Variants in IL4I1 observed in about 807,000 individuals in gnomAD.
IL4I1 encodes the protein interleukin 4 induced 1.
A neutral mutation model predicts 29.7 loss-of-function variants in IL4I1; 24 were observed. The ratio of observed to expected loss-of-function variants is 0.81; its 90% confidence interval spans 0.59 to 1.14. The LOEUF is 1.14. Among genes scored for constraint, IL4I1 ranks in the 50% most tolerant of loss-of-function variants. The pLI, the probability that IL4I1 is intolerant of heterozygous loss-of-function variation, is 0.00. For synonymous variants in IL4I1, 371 were observed against 352.5 expected (o/e 1.05, Z -0.59); for missense variants, 686 against 785.6 (o/e 0.87, Z 1.52).
intron 2 of IL4I1, chr19:49,908,344 G>A (rs1210038077): frequency 3.1e-6 from 5 of 1,614,090 alleles, no homozygotes; most frequent in East Asian, 2.2e-5. Flanking sequence ...AGTTCTGGTC[G>A]ATCCACTGCA....
At chr19:49,908,945 GTGGTGCTGCTGCTGC>G in intron 2 of IL4I1, 1 of 1,609,486 alleles carries the variant, frequency 6.2e-7, no homozygotes, top group Non-Finnish European at 8.5e-7. Flanking sequence ...GGCAAAGCCG[GTGGTGCTGCTGCTGC>G]TGGTGGTGGT....
intron 2 of IL4I1, chr19:49,911,305 A>G (rs1357608558): frequency 6.6e-6 from 1 of 152,212 alleles, no homozygotes; most frequent in Non-Finnish European, 1.5e-5. Context: ...AAGATGTGAG[A>G]AAGCCAGGAG....
Position 49,895,959 on chromosome 19 carries a change from G to T in IL4I1, c.108C>A (p.Cys36Ter), listed in dbSNP as rs2075202347. The T allele has an allele frequency of 6.2e-7, 1 of 1,614,102 alleles. No homozygotes were observed. The highest frequency in any genetic ancestry group is 8.5e-7 in the Non-Finnish European group (1 of 1,180,054). The change falls in exon 3 of 8, where the codon TGC (cysteine) becomes TGA (stop). Residue 36 changes from cysteine to a stop codon, truncating the protein, a stop_gained. Transcript: ENST00000391826. LOFTEE classifies it high-confidence loss of function. ...AERSQDPFEK[C>*]MQDPDYEQLL... is the part of the protein sequence containing the mutation. ...GCTGCTCATAGTCAGGATCCTGCAT[G>T]CATTTCTCGAAGGGGTCTTGGCTGC...
intron 4 of IL4I1, 131 bp downstream of exon 4, chr19:49,894,937 G>T: frequency 2.9e-6 from 2 of 695,514 alleles, no homozygotes; most frequent in Non-Finnish European, 2.5e-6. Context: ...CTGAGGTGAG[G>T]ATTAGGCGAA....
intron 2 of IL4I1, among the ~76,000 whole-genome samples, chr19:49,916,794 T>C (rs994447064): frequency 1.1e-4 from 16 of 152,100 alleles, no homozygotes; most frequent in Admixed American, 2.6e-4. Flanking sequence ...TAGCCTGGCA[T>C]GGTGGCGTGT....
chr19:49,905,159 G>C (rs2075305850), intron 2 of IL4I1, among the ~76,000 whole-genome samples: 1 of 152,178 alleles, frequency 6.6e-6, no homozygotes, highest in Non-Finnish European at 1.5e-5. Context: ...ATTAAGCTTT[G>C]CTAATGGTTA....
intron 5 of IL4I1, among the ~76,000 whole-genome samples, chr19:49,892,793 A>G (rs1240305929): frequency 3.3e-5 from 5 of 152,208 alleles, no homozygotes; most frequent in Admixed American, 6.5e-5. Context: ...GTCAAGGCAT[A>G]GAAATGACCT....
chr19:49,903,081 C>T (rs946981945), intron 3 of IL4I1, among the ~76,000 whole-genome samples: 1 of 151,956 alleles, frequency 6.6e-6, no homozygotes, highest in Non-Finnish European at 1.5e-5. Flanking sequence ...CACCACTGCA[C>T]GCCAGCCTGA....
In IL4I1 at chr19:49,921,694, ACCTAGGGAG is replaced by A. The variant is rs1342366230; in HGVS notation, c.-228+5991_-228+5999del. 2.6e-5 allele frequency among the ~76,000 whole-genome samples: 4 copies of A among 152,148 alleles called. No individual in the cohort carries two copies. Among genetic ancestry groups the A allele is most frequent in the African/African-American group, 9.7e-5 (4 of 41,440 alleles). On this transcript the variant is annotated intron_variant, in intron 2 of 9. Transcript: ENST00000341114. The surrounding 1 kb of genome is among the most constrained non-coding windows in gnomAD (Gnocchi z 5.4). ...GTACCCCTCTGCCCATTGAGGGGGC[ACCTAGGGAG>A]CCTAGGGGTCCCGTGAGGCCCTCCC...
At chr19:49,899,498 C>T (rs2075251087), upstream of IL4I1, among the ~76,000 whole-genome samples, 1 of 152,090 alleles carries the variant, frequency 6.6e-6, no homozygotes, top group East Asian at 1.9e-4. Flanking sequence ...AATCCTCCCA[C>T]CTCAGCCTCC....
At chr19:49,892,726 A>G (rs2075155632) in intron 5 of IL4I1, among the ~76,000 whole-genome samples, 1 of 152,186 alleles carries the variant, frequency 6.6e-6, no homozygotes, top group African/African-American at 2.4e-5. Context: ...GAGGGAAGGC[A>G]GTGCCCCTTC....
intron 2 of IL4I1, among the ~76,000 whole-genome samples, chr19:49,905,941 A>G (rs2075316815): frequency 6.6e-6 from 1 of 152,026 alleles, no homozygotes; most frequent in Non-Finnish European, 1.5e-5. Context: ...TGACTTCGGG[A>G]GACTTTTGGA....
intron 2 of IL4I1, chr19:49,907,617 A>G (rs546317922): frequency 2.5e-6 from 1 of 400,152 alleles, no homozygotes; most frequent in East Asian, 7.3e-5. Context: ...GTTCACTGCA[A>G]CACCTCCTGG....
intron 3 of IL4I1, chr19:49,901,944 A>T: frequency 2.8e-6 from 1 of 361,556 alleles, no homozygotes; most frequent in South Asian, 8.6e-5. Context: ...CCCTTGTCTC[A>T]CTCACCCTCC....
chr19:49,914,006 A>G (rs938523183), intron 2 of IL4I1, among the ~76,000 whole-genome samples: 4 of 152,132 alleles, frequency 2.6e-5, no homozygotes, highest in Non-Finnish European at 5.9e-5. Context: ...CAGCATCACA[A>G]TTTGAGCAAA....
At chr19:49,897,296 C>T (rs1011909616), upstream of IL4I1, among the ~76,000 whole-genome samples, 12 of 152,176 alleles carry the variant, frequency 7.9e-5, no homozygotes, top group African/African-American at 2.4e-4. Flanking sequence ...CGTCAGGTGT[C>T]GCCATGTCCT....
chr19:49,920,089 AT>A (rs894001021), intron 2 of IL4I1, among the ~76,000 whole-genome samples: 45 of 146,924 alleles, frequency 3.1e-4, no homozygotes, highest in Middle Eastern at 3.6e-3. Flanking sequence ...ACACCAGCTA[AT>A]TTTTTTTTTT....
rs113192713 is a variant in IL4I1, at chr19:49,913,562, G to A, written c.-227-9241C>T. Among the ~76,000 whole-genome samples the A allele has an allele frequency of 3.8e-3, 573 of 152,342 alleles. 5 individuals carry two copies. The highest frequency in any genetic ancestry group is 0.013 in the African/African-American group (550 of 41,578). On this transcript the variant is annotated intron_variant, in intron 2 of 9. Transcript: ENST00000341114. ...CACTGCTCCGTAAGCGTTACCACAC[G>A]CTGTTGCAGGGAGAACTGAGCACTG...
chr19:49,902,390 C>T (rs1235432175), intron 3 of IL4I1, among the ~76,000 whole-genome samples: 10 of 142,498 alleles, frequency 7.0e-5, no homozygotes, highest in South Asian at 6.6e-4. Context: ...GATGGAGTCT[C>T]GCTCAGTTGC....
Sources: gnomAD v4.1 joint callset for allele counts (sites outside exome capture counted in the v4.1 genomes callset) on GRCh38, gnomAD v4.1.1 for gene constraint, Gnocchi (gnomAD v3.1) non-coding constraint, MANE v1.5 for transcripts, NCBI Gene and HGNC (gene_info 2026-07-23, HGNC 2026-07-21) for gene names.